The following ANGPTL2 variants were observed in gnomAD, a reference collection of about 807,000 sequenced individuals.
The protein encoded by ANGPTL2 is angiopoietin-related protein 2.
ANGPTL2 carries 25 observed loss-of-function variants against 52.8 expected under a neutral mutation model. The observed-to-expected ratio is 0.47, with a 90% confidence interval of 0.35 to 0.66. The LOEUF is 0.66. Among genes scored for constraint, ANGPTL2 ranks in the 30% least tolerant of loss-of-function variants. ANGPTL2 has a pLI of 0.01. For synonymous variants in ANGPTL2, 276 were observed against 277.4 expected, an observed-to-expected ratio of 1.00 and a Z score of 0.05; for missense variants, 546 against 656.9, an observed-to-expected ratio of 0.83 and a Z score of 1.84.
Position 127,091,873 on chromosome 9 carries a change from T to C in ANGPTL2, c.1079A>G (p.Gln360Arg), listed in dbSNP as rs762219464. 2 of 1,614,140 alleles carry C rather than the reference T, an allele frequency of 1.2e-6. No individual in the cohort carries two copies. The highest frequency in any genetic ancestry group is 1.1e-5 in the South Asian group (1 of 91,084). Reference protein sequence around the residue: ...GLENIYWLTNQGNYKLLVTME... With the variant: ...GLENIYWLTNRGNYKLLVTME... ...GGTCACCAGGAGTTTGTAGTTGCCT[T>C]GGTTCGTCAGCCAGTAAATGTTCTC... is the stretch of plus-strand genomic sequence containing the variant. The change falls in exon 4 of 5, where the codon CAA becomes CGA. Residue 360 changes from glutamine to arginine, a missense_variant. By Grantham distance (43) the Gln-to-Arg change is conservative (BLOSUM62 1). Transcript: ENST00000373425. This position sits in a 1 kb window ranked among gnomAD's most constrained non-coding sequence, Gnocchi z 4.3.
chr9:127,108,679 C>T lies in ANGPTL2; in HGVS notation c.53G>A (p.Gly18Glu). 1 of 1,613,408 alleles carries T rather than the reference C, an allele frequency of 6.2e-7. No individual in the cohort carries two copies. The highest frequency in any genetic ancestry group is 8.5e-7 in the Non-Finnish European group (1 of 1,179,850). ...CWWLGLLAAM[G>E]AVAGQEDGFE... ...ACCGTCCTCCTGGCCTGCAACAGCT[C>T]CCATGGCAGCCAGCAGTCCGAGCCA... The change falls in exon 2 of 5, where the codon GGA (glycine) becomes GAA (glutamate). Residue 18 changes from glycine (G) to glutamate (E), a missense_variant. Transcript: ENST00000373425.
At chr9:127,097,734 C>T (rs1238368982) in intron 2 of ANGPTL2, among the ~76,000 whole-genome samples, 1 of 152,148 alleles carries the variant, frequency 6.6e-6, no homozygotes, top group Non-Finnish European at 1.5e-5. Flanking sequence ...TAAATAATGC[C>T]CTCGTAGGGG....
intron 2 of ANGPTL2, among the ~76,000 whole-genome samples, chr9:127,095,892 G>T (rs2053074049): frequency 6.6e-6 from 1 of 152,232 alleles, no homozygotes; most frequent in South Asian, 2.1e-4. Flanking sequence ...CTGACGGGAA[G>T]GCAGGGGCTG....
chr9:127,108,223 A>G lies in ANGPTL2; in HGVS notation c.509T>C (p.Leu170Pro). 6.2e-7 allele frequency: 1 copy of G among 1,613,982 alleles called. No individual in the cohort carries two copies. The highest frequency in any genetic ancestry group is 8.5e-7 in the Non-Finnish European group (1 of 1,179,994). ...NRILNQTADM[L>P]QLASKYKDLE... ...GTCCTTGTACTTGCTGGCCAGCTGC[A>G]GCATGTCGGCTGTCTGGTTCAGGAT... Residue 170 changes from leucine (L) to proline (P), a missense_variant, in exon 2 of 5, where the codon CTG becomes CCG. Leu to Pro is a moderately conservative substitution (Grantham distance 98). This residue lies in a region of ANGPTL2 where 285 missense variants were observed against 295.8 expected (regional missense o/e 0.96). Transcript: ENST00000373425.
At chr9:127,093,489 C>T (rs1048620741) in intron 3 of ANGPTL2, among the ~76,000 whole-genome samples, 1 of 152,230 alleles carries the variant, frequency 6.6e-6, no homozygotes, top group East Asian at 1.9e-4. Context: ...TCTACTGACT[C>T]TTGTCCTGCA....
In ANGPTL2 at chr9:127,093,878, C is replaced by T; in HGVS notation, c.866G>A (p.Ser289Asn). The change falls in exon 3 of 5, where the codon AGC becomes AAC. Residue 289 changes from serine to asparagine, a missense_variant. By Grantham distance (46) the Ser-to-Asn change is conservative (BLOSUM62 1). Transcript: ENST00000373425. The stretch of plus-strand genomic sequence containing the variant: ...CTCCGGCTTCACCAGGTAGATGGAG[C>T]TGGTGTCGTGGCCATCCTCCAGGGC... ...LQALEDGHDT[S>N]SIYLVKPENT... The T allele has an allele frequency of 6.2e-7, 1 of 1,614,086 alleles. No homozygotes were observed. Among genetic ancestry groups the T allele is most frequent in the South Asian group, 1.1e-5 (1 of 91,070 alleles).
At chr9:127,120,827 CAA>C (rs968011060) in intron 1 of ANGPTL2, among the ~76,000 whole-genome samples, 37 of 121,810 alleles carry the variant, frequency 3.0e-4, no homozygotes, top group South Asian at 1.6e-3. Flanking sequence ...GACTCCATCT[CAA>C]AAAAAAAAAA....
intron 1 of ANGPTL2, among the ~76,000 whole-genome samples, chr9:127,111,102 C>T (rs148465373): frequency 6.6e-5 from 10 of 152,294 alleles, no homozygotes; most frequent in African/African-American, 1.4e-4. Flanking sequence ...CTCTCCCCTA[C>T]GATCATCTCC....
chr9:127,104,813 A>T (rs998577836), intron 2 of ANGPTL2, among the ~76,000 whole-genome samples: 1 of 152,240 alleles, frequency 6.6e-6, no homozygotes, highest in Non-Finnish European at 1.5e-5. Flanking sequence ...CAAGGCTCGG[A>T]TGCAAAGGTG....
rs540182631 is a variant in ANGPTL2 at position 127,087,480 on chromosome 9, T to C, written c.*1459A>G. On this transcript the variant is annotated 3_prime_UTR_variant, in exon 5 of 5. Transcript: ENST00000373425. ...CACTTTGTGAGAAATGCTGAGGTAA[T>C]AGGCACACACCCAGACATGGACAGT... 9 of 152,684 alleles carry C rather than the reference T, an allele frequency of 5.9e-5. No individual in the cohort carries two copies. In the South Asian group the frequency reaches 1.9e-3, roughly 32 times the overall value. The allele number at this position is 152,684 out of a possible 1,614,324, so 9.5% of individuals were successfully genotyped here.
intron 1 of ANGPTL2, among the ~76,000 whole-genome samples, chr9:127,111,103 GATC>G (rs1307080659): frequency 1.3e-5 from 2 of 152,022 alleles, no homozygotes; most frequent in African/African-American, 4.8e-5. Flanking sequence ...TCTCCCCTAC[GATC>G]ATCTCCTCCA....
In ANGPTL2 at chr9:127,088,945, G is replaced by A. The variant is rs745393072; in HGVS notation, c.1476C>T (p.Phe492=). 1.9e-6 allele frequency: 3 copies of A among 1,614,226 alleles called. No individual in the cohort carries two copies. Among genetic ancestry groups the A allele is most frequent in the Non-Finnish European group, 2.5e-6 (3 of 1,180,046 alleles). The change falls in exon 5 of 5, where the codon TTC becomes TTT. Residue 492 remains phenylalanine, a synonymous_variant. Transcript: ENST00000373425. ...VMMIRPNPNT[F]H ...GTCAGGAGGGGGAGCTGGCTTAGTG[G>A]AAGGTGTTGGGGTTCGGTCGGATCA...
chr9:127,113,274 A>C (rs2137314285), intron 1 of ANGPTL2, among the ~76,000 whole-genome samples: 1 of 152,258 alleles, frequency 6.6e-6, no homozygotes, highest in Non-Finnish European at 1.5e-5. Context: ...AAGGTGACTG[A>C]GCCTAGGACT....
chr9:127,094,629 A>G (rs1229617500), intron 2 of ANGPTL2, among the ~76,000 whole-genome samples: 1 of 152,214 alleles, frequency 6.6e-6, no homozygotes, highest in East Asian at 1.9e-4. Context: ...GTGTGTTTTT[A>G]GGGGGCCAGG....
Position 127,088,705 on chromosome 9 carries a change from T to G in ANGPTL2, c.*234A>C, listed in dbSNP as rs1196535093. The G allele has an allele frequency of 1.7e-6, 1 of 581,740 alleles. No individual in the cohort carries two copies. The highest frequency in any genetic ancestry group is 3.1e-6 in the Non-Finnish European group (1 of 325,908). The allele number at this position is 581,740 out of a possible 1,614,324, so 36.0% of individuals were successfully genotyped here. On this transcript the variant is annotated 3_prime_UTR_variant, in exon 5 of 5. Transcript: ENST00000373425. Reference sequence around the variant, plus strand: ...AAAGAAAGAGTTGTCTGTAGTCCTGTCCTGTCCTGGAGACATGAGGGGCTG... The same window carrying G: ...AAAGAAAGAGTTGTCTGTAGTCCTGGCCTGTCCTGGAGACATGAGGGGCTG...
In ANGPTL2 at chr9:127,108,163, G is replaced by C. The variant is rs758959493; in HGVS notation, c.569C>G (p.Ala190Gly). The part of the protein sequence containing the change: ...EHKYQHLATL[A>G]HNQSEIIAQL... ...CGCGATGATCTCTGATTGGTTGTGG[G>C]CCAGTGTGGCCAGGTGCTGGTACTT... is the stretch of plus-strand genomic sequence containing the variant. The change falls in exon 2 of 5, where the codon GCC (alanine) becomes GGC (glycine). Residue 190 changes from alanine (A) to glycine (G), a missense_variant. Transcript: ENST00000373425. 3.7e-6 allele frequency: 6 copies of C among 1,613,994 alleles called. No homozygotes were observed. The highest frequency in any genetic ancestry group is 5.1e-6 in the Non-Finnish European group (6 of 1,180,014).
chr9:127,097,718 T>C (rs1412363686), intron 2 of ANGPTL2, among the ~76,000 whole-genome samples: 3 of 152,236 alleles, frequency 2.0e-5, no homozygotes, highest in African/African-American at 7.2e-5. Flanking sequence ...CTATAGCTGT[T>C]CCATATAAAT....
At chr9:127,089,729 T>C (rs2052229175) in intron 4 of ANGPTL2, among the ~76,000 whole-genome samples, 1 of 152,238 alleles carries the variant, frequency 6.6e-6, no homozygotes, top group Non-Finnish European at 1.5e-5. Context: ...CATAAAACTC[T>C]TGGCATTATC....
chr9:127,092,375 G>A (rs531992114), intron 3 of ANGPTL2, among the ~76,000 whole-genome samples: 6 of 152,246 alleles, frequency 3.9e-5, no homozygotes, highest in African/African-American at 9.6e-5. Flanking sequence ...CGCACCAGAC[G>A]GGTGTGAGCT....
Sources: gnomAD v4.1 joint callset for allele counts (sites outside exome capture counted in the v4.1 genomes callset) on GRCh38, gnomAD v4.1.1 for gene constraint, gnomAD v4.1.1 regional missense constraint, Gnocchi (gnomAD v3.1) non-coding constraint, MANE v1.5 for transcripts, NCBI Gene and HGNC (gene_info 2026-07-23, HGNC 2026-07-21) for gene names.